The following SHMT1 variants were observed in gnomAD, a reference collection of about 807,000 sequenced individuals.
SHMT1 encodes the protein serine hydroxymethyltransferase, cytosolic.
Under a neutral mutation model 49.0 loss-of-function variants are expected in SHMT1, and 45 were observed. The ratio of observed to expected loss-of-function variants is 0.92; its 90% CI spans 0.72 to 1.18. The LOEUF is 1.18. Ranked by LOEUF, SHMT1 falls within the 50% of genes most tolerant of loss-of-function variation. The pLI is 0.00. For synonymous variants in SHMT1, 232 were observed against 246.6 expected (o/e 0.94, Z 0.55); for missense variants, 541 against 612.4 (o/e 0.88, Z 1.23).
chr17:18,350,167 A>G (rs1302054716), intron 3 of SHMT1, among the ~76,000 whole-genome samples: 2 of 151,900 alleles, frequency 1.3e-5, no homozygotes, highest in Non-Finnish European at 2.9e-5. Flanking sequence ...TCTCTACTAA[A>G]AAATATATAA....
At chr17:18,347,682 A>G (rs759011177) in intron 4 of SHMT1, 26 bp from the exon 5 acceptor site, 1 of 1,613,984 alleles carries the variant, frequency 6.2e-7, no homozygotes, top group South Asian at 1.1e-5. Flanking sequence ...CAGAGGAGAC[A>G]TGATTATTTC....
chr17:18,353,609 C>T (rs1270622696), intron 3 of SHMT1, 63 bp downstream of exon 3: 3 of 1,559,826 alleles, frequency 1.9e-6, no homozygotes, highest in East Asian at 2.2e-5. Context: ...TGTTTAGGTC[C>T]TAGGCTGACT....
intron 4 of SHMT1, 134 bp from the exon 5 acceptor site, chr17:18,347,790 T>C: frequency 1.1e-6 from 1 of 922,020 alleles, no homozygotes; most frequent in Non-Finnish European, 1.7e-6. Context: ...CTCCAGGAGG[T>C]GCCCCTTCAC....
rs775798295 is a variant in SHMT1, at chr17:18,333,221, G to A, written c.999C>T (p.Ala333=). The A allele has an allele frequency of 2.7e-5, 43 of 1,613,850 alleles. No individual in the cohort carries two copies. The South Asian group carries it at 4.5e-4, about 17-fold the overall frequency. Residue 333 remains alanine, a synonymous_variant, in exon 9 of 12, where the codon GCC becomes GCT. Coordinates refer to ENST00000316694, the MANE Select transcript of SHMT1 (RefSeq NM_004169.5). ...GGGCCTCAGACAGAGCCCTGCAGTT[G>A]GCCACCACCTGGTGTTGATAAACTT... The part of the protein sequence containing the change: ...EFKVYQHQVV[A]NCRALSEALT...
Position 18,329,288 on chromosome 17 carries a change from A to G in SHMT1, c.1272T>C (p.Phe424=), listed in dbSNP as rs192597065. 14 of 1,611,170 alleles carry G rather than the reference A, an allele frequency of 8.7e-6. No homozygotes were observed. In the East Asian group the frequency reaches 3.1e-4, roughly 36 times the overall value. ...LEKDFQKVAH[F]IHRGIELTLQ... is the part of the protein sequence containing the mutation. ...AACTTTTATCCTTACCTCTGTGAAT[A>G]AAGTGGGCTACTTTTTGGAAGTCTT... The change falls in exon 11 of 12, where the codon TTT becomes TTC. Residue 424 remains phenylalanine (F), a synonymous_variant. Coordinates refer to ENST00000316694, the MANE Select transcript of SHMT1 (RefSeq NM_004169.5).
chr17:18,328,999 T>TCAGAATGTCCCC, intron 11 of SHMT1, 80 bp from the exon 12 acceptor site: 3 of 1,561,456 alleles, frequency 1.9e-6, no homozygotes, highest in Non-Finnish European at 1.8e-6. Context: ...GGCACAAATG[T>TCAGAATGTCCCC]CAGAATGTCC....
At chr17:18,356,646 G>C (rs1473402431) in intron 1 of SHMT1, among the ~76,000 whole-genome samples, 1 of 152,068 alleles carries the variant, frequency 6.6e-6, no homozygotes, top group Non-Finnish European at 1.5e-5. Context: ...GCATTATATT[G>C]AATCAAAGCT....
intron 9 of SHMT1, chr17:18,332,380 C>T (rs1336011273): frequency 6.5e-6 from 1 of 152,842 alleles, no homozygotes; most frequent in African/African-American, 2.4e-5. Flanking sequence ...TAATCCCTCC[C>T]CAATCCTTAG....
At chr17:18,362,765 G>A (rs911230529) in intron 1 of SHMT1, among the ~76,000 whole-genome samples, 1 of 152,196 alleles carries the variant, frequency 6.6e-6, no homozygotes. Flanking sequence ...CCAAGGCACC[G>A]GGCCAAGAAC....
At chr17:18,349,359 G>T (rs948209129) in intron 3 of SHMT1, among the ~76,000 whole-genome samples, 2 of 152,102 alleles carry the variant, frequency 1.3e-5, no homozygotes, top group African/African-American at 4.8e-5. Flanking sequence ...GGTGGAGGTT[G>T]CAGTGAGCCG....
chr17:18,357,449 A>T (rs1249862484), intron 1 of SHMT1, among the ~76,000 whole-genome samples: 1 of 152,130 alleles, frequency 6.6e-6, no homozygotes, highest in Non-Finnish European at 1.5e-5. Flanking sequence ...CAAGTTAATG[A>T]TGAACAGGAT....
rs756809579 is a variant in SHMT1, at chr17:18,340,733, T to C, written c.600A>G (p.Ala200=). The change falls in exon 6 of 12, where the codon GCA becomes GCG. Residue 200 remains alanine (A), a splice_region_variant and synonymous_variant. Coordinates refer to ENST00000316694, the MANE Select transcript of SHMT1 (RefSeq NM_004169.5). The surrounding 1 kb of genome is among the most constrained non-coding windows in gnomAD (Gnocchi z 4.5). ...ARLFHPKLII[A]GTSCYSRNLE... ...GTGACTTTCCGCCCCGCGCATCACC[T>C]GCGATGATCAGCTTCGGGTGGAAGA... is the stretch of plus-strand genomic sequence containing the variant. The C allele has an allele frequency of 1.2e-6, 2 of 1,611,594 alleles. No homozygotes were observed. The highest frequency in any genetic ancestry group is 3.3e-5 in the Admixed American group (2 of 59,808).
chr17:18,340,829 G>A lies in SHMT1; in HGVS notation c.520-16C>T. The A allele has an allele frequency of 6.2e-7, 1 of 1,608,710 alleles. No homozygotes were observed. The highest frequency in any genetic ancestry group is 8.5e-7 in the Non-Finnish European group (1 of 1,176,928). On this transcript the variant is annotated splice_polypyrimidine_tract_variant and intron_variant, in intron 5 of 11. Coordinates refer to ENST00000316694, the MANE Select transcript of SHMT1 (RefSeq NM_004169.5). This position sits in a 1 kb window ranked among gnomAD's most constrained non-coding sequence, Gnocchi z 4.5. The stretch of plus-strand genomic sequence containing the variant: ...CTGGGTTCACCTGTGGAATGTCAGG[G>A]AGGCAGGTTCAGGCTGCTTCCTCCA...
chr17:18,340,156 C>T lies in SHMT1; in HGVS notation c.701G>A (p.Gly234Glu). The change falls in exon 7 of 12, where the codon GGG becomes GAG. Residue 234 changes from glycine to glutamate, a missense_variant. Physicochemically the swap from Gly to Glu is moderately conservative, Grantham distance 98. Transcript: ENST00000316694. This position sits in a 1 kb window ranked among gnomAD's most constrained non-coding sequence, Gnocchi z 4.5. ...GGGCACCACGCCAGCCGCCACCAGCCCGCTGATGTGAGCCATGTCCGCCAT... is the reference window on the plus strand; with the variant it reads ...GGGCACCACGCCAGCCGCCACCAGCTCGCTGATGTGAGCCATGTCCGCCAT... Reference protein sequence around the residue: ...YLMADMAHISGLVAAGVVPSP... With the variant: ...YLMADMAHISELVAAGVVPSP... 6.2e-7 allele frequency: 1 copy of T among 1,614,232 alleles called. No individual in the cohort carries two copies. The highest frequency in any genetic ancestry group is 1.3e-5 in the African/African-American group (1 of 75,066).
In SHMT1 at chr17:18,328,805, T is replaced by G. The variant is rs1380980255; in HGVS notation, c.1397A>C (p.Glu466Ala). The G allele has an allele frequency of 6.2e-7, 1 of 1,608,002 alleles. No homozygotes were observed. The highest frequency in any genetic ancestry group is 8.5e-7 in the Non-Finnish European group (1 of 1,177,438). Residue 466 changes from glutamate (E) to alanine (A), a missense_variant, in exon 12 of 12, where the codon GAG (glutamate) becomes GCG (alanine). By Grantham distance (107) the Glu-to-Ala change is moderately radical. Coordinates refer to ENST00000316694, the MANE Select transcript of SHMT1 (RefSeq NM_004169.5). ...KYQAAVQALR[E>A]EVESFASLFP... is the part of the protein sequence containing the mutation. ...GAGAGAGGCGAAGCTCTCAACCTCCTCCCGGAGAGCCTGCACGGCCGCCTG... is the reference window on the plus strand; with the variant it reads ...GAGAGAGGCGAAGCTCTCAACCTCCGCCCGGAGAGCCTGCACGGCCGCCTG...
At chr17:18,333,006 A>G (rs1598016117) in intron 9 of SHMT1, 160 bp downstream of exon 9, 3 of 857,672 alleles carry the variant, frequency 3.5e-6, no homozygotes, top group Admixed American at 2.0e-5. Flanking sequence ...AGGCAGGGGG[A>G]GGCTTTCCAG....
intron 1 of SHMT1, among the ~76,000 whole-genome samples, chr17:18,358,299 G>A (rs1004296441): frequency 6.6e-6 from 1 of 151,250 alleles, no homozygotes; most frequent in Non-Finnish European, 1.5e-5. Context: ...AGACCATCCT[G>A]GCCTACACGG....
chr17:18,352,484 G>A (rs1175431528), intron 3 of SHMT1, among the ~76,000 whole-genome samples: 2 of 151,920 alleles, frequency 1.3e-5, no homozygotes, highest in East Asian at 1.9e-4. Flanking sequence ...CCCCTTGCTC[G>A]ATACATTGCT....
intron 10 of SHMT1, among the ~76,000 whole-genome samples, chr17:18,329,865 T>C (rs1433408262): frequency 2.0e-5 from 3 of 151,744 alleles, no homozygotes; most frequent in Admixed American, 1.3e-4. Context: ...ATTTTTTGTT[T>C]TTGTTTTTGT....
Sources: allele counts gnomAD v4.1 joint callset (sites outside exome capture counted in the v4.1 genomes callset), GRCh38; gene constraint gnomAD v4.1.1; non-coding constraint Gnocchi (gnomAD v3.1); transcripts MANE v1.5; gene names NCBI Gene and HGNC (gene_info 2026-07-23, HGNC 2026-07-21).